The following MCCC1 variants were observed in gnomAD, a reference collection of about 807,000 sequenced individuals.
MCCC1 encodes methylcrotonoyl-CoA carboxylase subunit alpha, mitochondrial.
A neutral mutation model predicts 83.8 loss-of-function variants in MCCC1; 64 were observed. The observed-to-expected ratio is 0.76, with a 90% CI of 0.62 to 0.94. MCCC1 has a LOEUF of 0.94. Ranked by LOEUF, MCCC1 falls within the 40% of genes least tolerant of loss-of-function variation. The pLI, the probability that MCCC1 is intolerant of heterozygous loss-of-function variation, is 0.00. For missense variants in MCCC1, 807 were observed against 904.7 expected (o/e 0.89, Z 1.39); for synonymous variants, 322 against 315.4 (o/e 1.02, Z -0.22).
At chr3:183,114,560 T>C (rs2108589022) in intron 1 of MCCC1, among the ~76,000 whole-genome samples, 1 of 152,320 alleles carries the variant, frequency 6.6e-6, no homozygotes, top group African/African-American at 2.4e-5. Flanking sequence ...GGGAGAAACA[T>C]ACACATTTGA....
chr3:183,036,500 G>A (rs1713601249), intron 13 of MCCC1, among the ~76,000 whole-genome samples: 1 of 151,690 alleles, frequency 6.6e-6, no homozygotes, highest in African/African-American at 2.4e-5. Context: ...GTAGGATGTG[G>A]GGAGAACAAG....
intron 9 of MCCC1, among the ~76,000 whole-genome samples, chr3:183,048,093 T>C (rs1186526520): frequency 1.3e-5 from 2 of 152,190 alleles, no homozygotes. Flanking sequence ...GGAACCATTG[T>C]TATATTGAAT....
rs1447838566 is a variant in MCCC1 at position 183,085,872 on chromosome 3, G to A, written c.369+821C>T. 3.9e-5 allele frequency among the ~76,000 whole-genome samples: 6 copies of A among 152,112 alleles called. No individual in the cohort carries two copies. In the East Asian group the frequency reaches 5.8e-4, roughly 15 times the overall value. On this transcript the variant is annotated intron_variant, in intron 4 of 18. Coordinates refer to ENST00000265594, the MANE Select transcript of MCCC1 (RefSeq NM_020166.5). ...GGAAGCTTTCCTTCTCCTCACCGCC[G>A]GGAAGCGGCCATTGGTTCCAGTCTT...
At chr3:183,046,437 A>G (rs1714563408) in intron 9 of MCCC1, among the ~76,000 whole-genome samples, 1 of 149,848 alleles carries the variant, frequency 6.7e-6, no homozygotes, top group Non-Finnish European at 1.5e-5. Context: ...TCACTCTGTC[A>G]TCCAGGCTGG....
At chr3:183,037,732 G>A (rs1257695777) in intron 12 of MCCC1, among the ~76,000 whole-genome samples, 1 of 152,160 alleles carries the variant, frequency 6.6e-6, no homozygotes, top group East Asian at 1.9e-4. Flanking sequence ...CTTGACTCAG[G>A]TTAGGAACAT....
At chr3:183,069,389 T>C (rs1387091216) in intron 7 of MCCC1, among the ~76,000 whole-genome samples, 2 of 152,212 alleles carry the variant, frequency 1.3e-5, no homozygotes, top group Non-Finnish European at 2.9e-5. Context: ...GCTATTGATG[T>C]CTCCACAATT....
chr3:183,063,311 T>C (rs1006993881), intron 7 of MCCC1, among the ~76,000 whole-genome samples: 5 of 146,930 alleles, frequency 3.4e-5, no homozygotes, highest in African/African-American at 1.3e-4. Flanking sequence ...ATCTAGAATA[T>C]GTATTATATA....
Position 183,064,251 on chromosome 3 carries a change from T to C in MCCC1, c.761+6748A>G, listed in dbSNP as rs141251703. On this transcript the variant is annotated intron_variant, in intron 7 of 18. Transcript: ENST00000265594. This position sits in a 1 kb window ranked among gnomAD's most constrained non-coding sequence, Gnocchi z 4.5. ...CTAAAAGGAGAAACTTGAGAGCTGA[T>C]GGGACTGCTAGAAAAGATCCCCCTT... is the stretch of plus-strand genomic sequence containing the variant. Among the ~76,000 whole-genome samples, 1 of 136,854 alleles carries C rather than the reference T, an allele frequency of 7.3e-6. No homozygotes were observed. Among genetic ancestry groups the C allele is most frequent in the African/African-American group, 2.7e-5 (1 of 37,468 alleles). 89.8% of individuals were successfully genotyped at this position (136,854 alleles called of 152,430 possible). A position where few individuals can be genotyped will look rare whatever the true frequency, so the allele number is the denominator to read the frequency against.
chr3:183,111,486 C>T (rs901929213), intron 1 of MCCC1, among the ~76,000 whole-genome samples: 2 of 152,102 alleles, frequency 1.3e-5, no homozygotes, highest in Admixed American at 6.5e-5. Flanking sequence ...TTTTAGTAGA[C>T]ATGGGGTTTT....
At chr3:183,107,543 G>C (rs772837351) in intron 1 of MCCC1, among the ~76,000 whole-genome samples, 1 of 150,186 alleles carries the variant, frequency 6.7e-6, no homozygotes, top group Non-Finnish European at 1.5e-5. Flanking sequence ...ATTTGTTGTT[G>C]TTGTTGTTGT....
intron 11 of MCCC1, among the ~76,000 whole-genome samples, chr3:183,040,244 T>C (rs1713966228): frequency 6.6e-6 from 1 of 152,132 alleles, no homozygotes; most frequent in Admixed American, 6.5e-5. Flanking sequence ...AATTTATTTT[T>C]AAGAAGATCT....
intron 14 of MCCC1, among the ~76,000 whole-genome samples, chr3:183,032,272 C>G (rs1426969056): frequency 6.6e-6 from 1 of 152,060 alleles, no homozygotes; most frequent in Non-Finnish European, 1.5e-5. Context: ...GAATTACAAT[C>G]AAATATGTAA....
intron 9 of MCCC1, among the ~76,000 whole-genome samples, chr3:183,051,496 G>A (rs1219905304): frequency 6.6e-6 from 1 of 152,128 alleles, no homozygotes; most frequent in Non-Finnish European, 1.5e-5. Context: ...AAACATGAGT[G>A]GCTGCCGGGG....
At chr3:183,032,076 C>T (rs1250493438) in intron 14 of MCCC1, among the ~76,000 whole-genome samples, 1 of 152,114 alleles carries the variant, frequency 6.6e-6, no homozygotes, top group African/African-American at 2.4e-5. Context: ...CTCTTACATA[C>T]AGACTTGGAT....
intron 15 of MCCC1, 146 bp downstream of exon 15, chr3:183,025,609 G>A (rs1658004796): frequency 2.7e-6 from 2 of 735,768 alleles, no homozygotes; most frequent in Non-Finnish European, 2.4e-6. Context: ...CCCCAAATTG[G>A]GTCTGAAATA....
At chr3:183,019,207 T>G (rs1218199303) in intron 17 of MCCC1, among the ~76,000 whole-genome samples, 1 of 152,222 alleles carries the variant, frequency 6.6e-6, no homozygotes. Context: ...ATGATTTAAG[T>G]GTATTTGAGG....
upstream of MCCC1, among the ~76,000 whole-genome samples, chr3:183,103,049 T>C (rs1719344223): frequency 6.6e-6 from 1 of 152,004 alleles, no homozygotes; most frequent in African/African-American, 2.4e-5. Context: ...ATCCTCGCGG[T>C]GAGTGTTACA....
intron 1 of MCCC1, among the ~76,000 whole-genome samples, chr3:183,106,804 T>C (rs1487587696): frequency 6.6e-6 from 1 of 151,992 alleles, no homozygotes; most frequent in Non-Finnish European, 1.5e-5. Context: ...GCCCAAATGT[T>C]TCTATTTTAT....
intron 1 of MCCC1, among the ~76,000 whole-genome samples, chr3:183,114,815 T>G (rs565763207): frequency 2.0e-5 from 3 of 152,292 alleles, no homozygotes; most frequent in African/African-American, 4.8e-5. Flanking sequence ...CACTGTCTGT[T>G]GTTGTTGCTG....
Sources: gnomAD v4.1 joint callset for allele counts (sites outside exome capture counted in the v4.1 genomes callset) on GRCh38, gnomAD v4.1.1 for gene constraint, Gnocchi (gnomAD v3.1) non-coding constraint, MANE v1.5 for transcripts, NCBI Gene and HGNC (gene_info 2026-07-23, HGNC 2026-07-21) for gene names.